NPAS3: variants seen among roughly 807,000 people sequenced by gnomAD.
NPAS3 encodes the protein neuronal PAS domain-containing protein 3.
In NPAS3, 14 loss-of-function variants were observed where a neutral mutation model predicts 73.1. That is an observed-to-expected ratio of 0.19 (90% CI 0.13 to 0.30). The LOEUF (loss-of-function observed/expected upper bound fraction) is 0.30, where lower values mean the gene tolerates loss of function less well. NPAS3 is among the 10% of genes least tolerant of loss of function. NPAS3 has a pLI of 1.00. For missense variants in NPAS3, 1,096 were observed against 1,250.0 expected, an observed-to-expected ratio of 0.88 and a Z score of 1.86; for synonymous variants, 620 against 541.5, an observed-to-expected ratio of 1.14 and a Z score of -2.01.
chr14:33,286,975 G>A (rs2041902408), intron 3 of NPAS3, among the ~76,000 whole-genome samples: 1 of 152,088 alleles, frequency 6.6e-6, no homozygotes, highest in East Asian at 1.9e-4. Context: ...TATCCCTGGA[G>A]TCATCCAAAA....
Position 32,946,348 on chromosome 14 carries a change from GCACACACA to G in NPAS3, c.50+7013_50+7020del, listed in dbSNP as rs3057257. Among the ~76,000 whole-genome samples the G allele has an allele frequency of 4.8e-3, 668 of 139,396 alleles. 3 individuals carry two copies. Among genetic ancestry groups the G allele is most frequent in the African/African-American group, 0.017 (630 of 36,664 alleles). 91.4% of individuals were successfully genotyped at this position (139,396 alleles called of 152,430 possible). ...CCATCCCCCCAACACACACACACGC[GCACACACA>G]CACACACACACACACACACACACAC... On this transcript the variant is annotated intron_variant, in intron 1 of 11. Transcript: ENST00000356141.
chr14:33,202,552 G>A (rs1168532731), intron 2 of NPAS3, among the ~76,000 whole-genome samples: 1 of 152,110 alleles, frequency 6.6e-6, no homozygotes, highest in East Asian at 1.9e-4. Flanking sequence ...TCAGAGGACT[G>A]AGCCTTTTTT....
At chr14:33,686,979 C>A (rs1334161245) in intron 6 of NPAS3, among the ~76,000 whole-genome samples, 1 of 152,108 alleles carries the variant, frequency 6.6e-6, no homozygotes, top group Admixed American at 6.6e-5. Flanking sequence ...CAAAAAAAGT[C>A]ATTTAAGAGA....
chr14:33,330,679 C>G (rs1028248819), intron 3 of NPAS3, among the ~76,000 whole-genome samples: 1 of 152,212 alleles, frequency 6.6e-6, no homozygotes, highest in African/African-American at 2.4e-5. Flanking sequence ...TATTGGACGT[C>G]TATTCCAGAG....
intron 1 of NPAS3, among the ~76,000 whole-genome samples, chr14:32,989,537 G>A (rs978503271): frequency 6.6e-6 from 1 of 151,954 alleles, no homozygotes; most frequent in Admixed American, 6.6e-5. Context: ...CCAGCTACGC[G>A]GCAGGCTGAG....
intron 1 of NPAS3, among the ~76,000 whole-genome samples, chr14:33,005,552 C>A (rs545724369): frequency 9.9e-5 from 15 of 152,106 alleles, no homozygotes; most frequent in African/African-American, 3.6e-4. Context: ...AAGCGGACGA[C>A]ATTTTCCACC....
At chr14:33,347,982 C>G (rs1379638995) in intron 3 of NPAS3, among the ~76,000 whole-genome samples, 1 of 151,976 alleles carries the variant, frequency 6.6e-6, no homozygotes, top group African/African-American at 2.4e-5. Flanking sequence ...GAAAGTGAGT[C>G]AGTAGGAGCC....
chr14:33,380,170 T>C (rs2046484403), intron 4 of NPAS3, among the ~76,000 whole-genome samples: 1 of 152,172 alleles, frequency 6.6e-6, no homozygotes, highest in African/African-American at 2.4e-5. Flanking sequence ...AAAACAGTTG[T>C]GGAAGGAACA....
intron 6 of NPAS3, among the ~76,000 whole-genome samples, chr14:33,688,201 A>G (rs538895858): frequency 2.4e-4 from 37 of 152,304 alleles, no homozygotes; most frequent in African/African-American, 8.7e-4. Flanking sequence ...AGTACCCAAT[A>G]GGTCGTTTTT....
chr14:33,327,044 C>CT (rs1462065293), intron 3 of NPAS3, among the ~76,000 whole-genome samples: 2 of 152,100 alleles, frequency 1.3e-5, no homozygotes, highest in Non-Finnish European at 2.9e-5. Context: ...GATAGTGTTT[C>CT]TTTTTTTCTG....
intron 4 of NPAS3, among the ~76,000 whole-genome samples, chr14:33,414,342 TTC>T (rs1370800645): frequency 5.9e-5 from 9 of 152,176 alleles, no homozygotes; most frequent in African/African-American, 2.2e-4. Context: ...TCTTATTTTT[TTC>T]TTTTTCTTAT....
intron 4 of NPAS3, among the ~76,000 whole-genome samples, chr14:33,498,859 A>G (rs1419088833): frequency 6.6e-6 from 1 of 151,746 alleles, no homozygotes; most frequent in African/African-American, 2.4e-5. Flanking sequence ...GACATGCAGT[A>G]CCACATAAGG....
chr14:33,489,496 T>G (rs972348531), intron 4 of NPAS3, among the ~76,000 whole-genome samples: 1 of 152,132 alleles, frequency 6.6e-6, no homozygotes, highest in Admixed American at 6.6e-5. Flanking sequence ...ATTCCCATAA[T>G]GGAGAAAGGA....
intron 1 of NPAS3, among the ~76,000 whole-genome samples, chr14:33,007,759 C>T (rs756977249): frequency 2.6e-4 from 40 of 152,282 alleles, no homozygotes; most frequent in South Asian, 1.0e-3. Context: ...GGAAAGGGGA[C>T]AGATAGTAAA....
At chr14:32,971,593 A>G (rs1416411922) in intron 1 of NPAS3, among the ~76,000 whole-genome samples, 5 of 152,172 alleles carry the variant, frequency 3.3e-5, no homozygotes, top group African/African-American at 1.2e-4. Flanking sequence ...AATAATACTG[A>G]TAGCTTTCAG....
rs1363691295 is a variant in NPAS3, at chr14:33,093,315, G to C, written c.140+37321G>C. 4.6e-5 allele frequency among the ~76,000 whole-genome samples: 7 copies of C among 152,126 alleles called. No individual in the cohort carries two copies. In the East Asian group the frequency reaches 1.3e-3, roughly 29 times the overall value. ...CTATCAAAAAGTGGGCAAAGGTTAT[G>C]AACAGTCACTTCTCAAAAGAAGACA... On this transcript the variant is annotated intron_variant, in intron 2 of 11. Transcript: ENST00000356141.
intron 2 of NPAS3, among the ~76,000 whole-genome samples, chr14:33,098,886 T>C (rs554097455): frequency 1.3e-5 from 2 of 152,322 alleles, no homozygotes; most frequent in East Asian, 3.9e-4. Context: ...ATTCTTTAAA[T>C]TGCCTGAGAC....
chr14:32,962,950 A>G (rs1289755502), intron 1 of NPAS3, among the ~76,000 whole-genome samples: 5 of 150,938 alleles, frequency 3.3e-5, no homozygotes, highest in Admixed American at 2.6e-4. Context: ...CCTGGGTTCA[A>G]GTGATCCTTT....
intron 2 of NPAS3, among the ~76,000 whole-genome samples, chr14:33,072,891 T>C (rs2041534552): frequency 6.6e-6 from 1 of 152,160 alleles, no homozygotes; most frequent in African/African-American, 2.4e-5. Flanking sequence ...TGACCCATAT[T>C]TTTGGTATTT....
Sources: gnomAD v4.1 joint callset for allele counts (sites outside exome capture counted in the v4.1 genomes callset) on GRCh38, gnomAD v4.1.1 for gene constraint, MANE v1.5 for transcripts, NCBI Gene and HGNC (gene_info 2026-07-23, HGNC 2026-07-21) for gene names.